Variants in DTNB observed in about 807,000 individuals in gnomAD.
The protein encoded by DTNB is dystrobrevin beta.
Under a neutral mutation model 90.7 loss-of-function variants are expected in DTNB, and 63 were observed. The observed-to-expected ratio is 0.69, with a 90% CI of 0.57 to 0.86. DTNB has a LOEUF of 0.86. Among genes scored for constraint, DTNB ranks in the 40% least tolerant of loss-of-function variants. The pLI, the probability that DTNB is intolerant of heterozygous loss-of-function variation, is 0.00. For synonymous variants in DTNB, 277 were observed against 286.7 expected (o/e 0.97, Z 0.34); for missense variants, 744 against 807.1 (o/e 0.92, Z 0.95).
chr2:25,607,248 C>T lies in DTNB; in HGVS notation c.436G>A (p.Asp146Asn), dbSNP rs1420927598. Residue 146 changes from aspartate to asparagine, a missense_variant, in exon 5 of 21, where the codon GAC becomes AAC. Physicochemically the swap from Asp to Asn is conservative, Grantham distance 23. Transcript: ENST00000406818. Reference protein sequence around the residue: ...LATMCGGKMLDKLRYVFSQMS... With the variant: ...LATMCGGKMLNKLRYVFSQMS... ...TGAAAATACTTACATCTCAATTTGT[C>T]CAGCATTTTTCCACCACACATGGTT... The T allele has an allele frequency of 1.9e-6, 3 of 1,602,636 alleles. No individual in the cohort carries two copies. The highest frequency in any genetic ancestry group is 2.6e-6 in the Non-Finnish European group (3 of 1,174,188).
Position 25,500,342 on chromosome 2 carries a change from C to T in DTNB, c.1002-17469G>A, listed in dbSNP as rs147757163. Among the ~76,000 whole-genome samples the T allele has an allele frequency of 1.2e-3, 178 of 152,244 alleles. 1 individual carries two copies. Among genetic ancestry groups the T allele is most frequent in the African/African-American group, 4.0e-3 (168 of 41,528 alleles). On this transcript the variant is annotated intron_variant, in intron 9 of 20. Transcript: ENST00000406818. ...ATTCAAAGAAGGCTGGTAGATAAGCCATTTGGGATAGCAAAAATCTGTGAG... is the reference window on the plus strand; with the variant it reads ...ATTCAAAGAAGGCTGGTAGATAAGCTATTTGGGATAGCAAAAATCTGTGAG...
At chr2:25,555,120 C>T (rs2057060717) in intron 8 of DTNB, among the ~76,000 whole-genome samples, 1 of 151,664 alleles carries the variant, frequency 6.6e-6, no homozygotes, top group African/African-American at 2.4e-5. Flanking sequence ...CACGATGAAA[C>T]CCTGTCTCTA....
chr2:25,466,931 A>G (rs2061891059), intron 10 of DTNB, among the ~76,000 whole-genome samples: 1 of 152,248 alleles, frequency 6.6e-6, no homozygotes, highest in Admixed American at 6.5e-5. Flanking sequence ...GAAGGTTAAA[A>G]GCGTGAAAGA....
chr2:25,472,181 A>G (rs2062935190), intron 10 of DTNB, among the ~76,000 whole-genome samples: 1 of 152,252 alleles, frequency 6.6e-6, no homozygotes, highest in African/African-American at 2.4e-5. Context: ...AAGGCATCGA[A>G]CACACAGCTA....
chr2:25,454,305 AACTG>A (rs1243059289), intron 11 of DTNB, among the ~76,000 whole-genome samples: 2 of 152,236 alleles, frequency 1.3e-5, no homozygotes, highest in African/African-American at 4.8e-5. Flanking sequence ...TATATTTCCC[AACTG>A]ACTATTAATT....
chr2:25,568,866 C>G (rs903166636), intron 8 of DTNB, among the ~76,000 whole-genome samples: 1 of 152,236 alleles, frequency 6.6e-6, no homozygotes, highest in Non-Finnish European at 1.5e-5. Context: ...TGACTCTTCA[C>G]ATAAGGCAGA....
intron 10 of DTNB, among the ~76,000 whole-genome samples, chr2:25,472,569 T>A (rs980844853): frequency 1.3e-5 from 2 of 152,206 alleles, no homozygotes; most frequent in Non-Finnish European, 2.9e-5. Context: ...ATGGCTATTT[T>A]AAATTCCAAT....
At chr2:25,407,983 G>A (rs577005115) in intron 16 of DTNB, among the ~76,000 whole-genome samples, 6 of 152,138 alleles carry the variant, frequency 3.9e-5, no homozygotes, top group Admixed American at 6.5e-5. Flanking sequence ...ACTTTGGGAG[G>A]CTGAGGCAGG....
intron 10 of DTNB, among the ~76,000 whole-genome samples, chr2:25,466,924 G>C (rs1030087446): frequency 3.3e-5 from 5 of 152,202 alleles, no homozygotes; most frequent in African/African-American, 1.2e-4. Context: ...CTCTGAAGAA[G>C]GTTAAAAGCG....
At chr2:25,419,105 A>T (rs2048661504) in intron 16 of DTNB, 1 of 202,738 alleles carries the variant, frequency 4.9e-6, no homozygotes, top group South Asian at 1.0e-4. Context: ...CAGGACATCT[A>T]TAGTTAGCAA....
chr2:25,651,529 A>G (rs2080936210), intron 2 of DTNB, among the ~76,000 whole-genome samples: 1 of 152,224 alleles, frequency 6.6e-6, no homozygotes, highest in Non-Finnish European at 1.5e-5. Context: ...GCTCCGAACT[A>G]CAAAAGTCCT....
chr2:25,500,800 C>CA (rs1369268535), intron 9 of DTNB, among the ~76,000 whole-genome samples: 1 of 151,754 alleles, frequency 6.6e-6, no homozygotes, highest in African/African-American at 2.4e-5. Flanking sequence ...AGGACCAAAA[C>CA]AAAAAAGGAA....
At chr2:25,520,072 G>GAA (rs201200458) in intron 9 of DTNB, among the ~76,000 whole-genome samples, 4 of 149,998 alleles carry the variant, frequency 2.7e-5, no homozygotes, top group African/African-American at 9.8e-5. Context: ...ACTCTCTTCA[G>GAA]AAAAAAAAAA....
chr2:25,550,068 G>C (rs535658152), intron 8 of DTNB, among the ~76,000 whole-genome samples: 65 of 152,200 alleles, frequency 4.3e-4, no homozygotes, highest in Non-Finnish European at 8.2e-4. Flanking sequence ...TTTTAGTTCA[G>C]AGTTACTTCT....
At chr2:25,666,534 T>C (rs1465541) in intron 1 of DTNB, among the ~76,000 whole-genome samples, 41,857 of 152,084 alleles carry the variant, frequency 0.28, 6,531 homozygotes, top group Non-Finnish European at 0.37. Flanking sequence ...AAAAAAGTCT[T>C]TGTATAAAGT....
In DTNB at chr2:25,607,452, A is replaced by G. The variant is rs181411940; in HGVS notation, c.363-131T>C. 4.6e-6 allele frequency: 4 copies of G among 877,064 alleles called. No individual in the cohort carries two copies. In the Admixed American group the frequency reaches 9.6e-5, roughly 21 times the overall value. 54.3% of individuals were successfully genotyped at this position (877,064 alleles called of 1,614,324 possible). On this transcript the variant is annotated intron_variant, in intron 4 of 20. Coordinates refer to ENST00000406818, the MANE Select transcript of DTNB (RefSeq NM_021907.5). ...CTGTTACAATTTTACCACATTTAGA[A>G]ACCCTGGATTTTTTTTTTTTCATTT...
intron 9 of DTNB, among the ~76,000 whole-genome samples, chr2:25,500,967 C>T (rs2070493342): frequency 6.6e-6 from 1 of 152,168 alleles, no homozygotes; most frequent in South Asian, 2.1e-4. Context: ...TAGGTTCTGA[C>T]CCCCATGGGG....
intron 9 of DTNB, among the ~76,000 whole-genome samples, chr2:25,523,808 T>C (rs887064810): frequency 4.6e-5 from 7 of 152,020 alleles, no homozygotes; most frequent in Admixed American, 6.6e-5. Flanking sequence ...TCAGATGTAT[T>C]AGGGAACTTT....
intron 8 of DTNB, among the ~76,000 whole-genome samples, chr2:25,557,110 C>A (rs916969478): frequency 6.6e-6 from 1 of 152,026 alleles, no homozygotes; most frequent in Non-Finnish European, 1.5e-5. Flanking sequence ...AGGAGTGTGA[C>A]CAATATTTCA....
Sources: gnomAD v4.1 joint callset for allele counts (sites outside exome capture counted in the v4.1 genomes callset) on GRCh38, gnomAD v4.1.1 for gene constraint, MANE v1.5 for transcripts, NCBI Gene and HGNC (gene_info 2026-07-23, HGNC 2026-07-21) for gene names.